Variants in ZNF407 observed in about 807,000 individuals in gnomAD.
ZNF407 encodes the protein zinc finger protein 407.
In ZNF407, 17 loss-of-function variants were observed where a neutral mutation model predicts 131.2. That is an observed-to-expected ratio of 0.13 (90% CI 0.09 to 0.19). The LOEUF is 0.19. Ranked by LOEUF, ZNF407 falls within the 10% of genes least tolerant of loss-of-function variation. The pLI, the probability that ZNF407 is intolerant of heterozygous loss-of-function variation, is 1.00. For synonymous variants in ZNF407, 1,156 were observed against 1,062.0 expected (o/e 1.09, Z -1.72); for missense variants, 2,681 against 2,830.6 (o/e 0.95, Z 1.20).
At chr18:74,714,310 A>G (rs1180467916) in intron 3 of ZNF407, among the ~76,000 whole-genome samples, 2 of 152,252 alleles carry the variant, frequency 1.3e-5, no homozygotes, top group African/African-American at 4.8e-5. Flanking sequence ...GCAGTTCAGC[A>G]TCTGGCTCTG....
intron 3 of ZNF407, among the ~76,000 whole-genome samples, chr18:74,771,029 T>C (rs1969349251): frequency 6.6e-6 from 1 of 152,150 alleles, no homozygotes; most frequent in African/African-American, 2.4e-5. Context: ...AATTTTCAGA[T>C]ATTTTAAATT....
At chr18:74,831,819 C>T (rs924483389) in intron 4 of ZNF407, among the ~76,000 whole-genome samples, 1 of 152,166 alleles carries the variant, frequency 6.6e-6, no homozygotes, top group African/African-American at 2.4e-5. Flanking sequence ...CACTCCCACC[C>T]CTGCTGTGTG....
rs182112360 is a variant in ZNF407, at chr18:74,962,312, T to C, written c.5428+41620T>C. Among the ~76,000 whole-genome samples, 396 of 152,354 alleles carry C rather than the reference T, an allele frequency of 2.6e-3. 6 individuals are homozygous for C. The highest frequency in any genetic ancestry group is 8.8e-4 in the Non-Finnish European group (60 of 68,032). ...AATGATTTCCTCAAATACCCCAAAC[T>C]GTAAGTATCTTCACAACAGCCCAAA... On this transcript the variant is annotated intron_variant, in intron 8 of 8. Transcript: ENST00000299687.
intron 3 of ZNF407, among the ~76,000 whole-genome samples, chr18:74,758,420 G>A (rs1969013423): frequency 6.6e-6 from 1 of 151,920 alleles, no homozygotes; most frequent in South Asian, 2.1e-4. Flanking sequence ...TTTCAATACT[G>A]TATAAAAGCT....
chr18:74,760,241 G>T (rs190164256), intron 3 of ZNF407, among the ~76,000 whole-genome samples: 1 of 152,248 alleles, frequency 6.6e-6, no homozygotes, highest in Admixed American at 6.5e-5. Flanking sequence ...TTGTCAAGGG[G>T]CTCTGTTGCA....
At chr18:74,763,705 A>ATTTTTTTTTTTTTT (rs11340257) in intron 3 of ZNF407, among the ~76,000 whole-genome samples, 4 of 70,228 alleles carry the variant, frequency 5.7e-5, no homozygotes, top group Admixed American at 1.9e-4. Context: ...CTTATCTTTG[A>ATTTTTTTTTTTTTT]TTTTTTTTTT....
At chr18:74,989,547 A>G (rs1338407141) in intron 8 of ZNF407, among the ~76,000 whole-genome samples, 1 of 152,186 alleles carries the variant, frequency 6.6e-6, no homozygotes, top group Non-Finnish European at 1.5e-5. Context: ...TAGATATTGG[A>G]ATTACATTTC....
At chr18:74,881,235 C>T (rs977470519) in intron 6 of ZNF407, 116 bp downstream of exon 6, 2 of 875,156 alleles carry the variant, frequency 2.3e-6, no homozygotes, top group Admixed American at 5.3e-5. Context: ...CATCTGTGCA[C>T]TTGAAGGTCT....
chr18:74,923,535 AC>A (rs1227252097), intron 8 of ZNF407, among the ~76,000 whole-genome samples: 1 of 152,040 alleles, frequency 6.6e-6, no homozygotes, highest in Non-Finnish European at 1.5e-5. Context: ...TAGTTTGTTC[AC>A]TGTGTTGTTC....
At chr18:75,022,666 T>C (rs1194399222) in intron 8 of ZNF407, among the ~76,000 whole-genome samples, 1 of 152,090 alleles carries the variant, frequency 6.6e-6, no homozygotes, top group Non-Finnish European at 1.5e-5. Flanking sequence ...TAATGGCGAT[T>C]ATTAGACAGT....
At chr18:75,032,704 G>A (rs1973256028) in intron 8 of ZNF407, among the ~76,000 whole-genome samples, 1 of 151,070 alleles carries the variant, frequency 6.6e-6, no homozygotes, top group Non-Finnish European at 1.5e-5. Context: ...GGGGAAGATA[G>A]TATTAGATAA....
intron 7 of ZNF407, among the ~76,000 whole-genome samples, chr18:74,899,216 A>C (rs949306862): frequency 6.6e-6 from 1 of 152,236 alleles, no homozygotes; most frequent in Non-Finnish European, 1.5e-5. Flanking sequence ...GGTGCAGTAC[A>C]AATAATGAGT....
Position 74,765,914 on chromosome 18 carries a change from G to A in ZNF407, c.4803-15514G>A, listed in dbSNP as rs145831867. Among the ~76,000 whole-genome samples, 532 of 151,996 alleles carry A rather than the reference G, an allele frequency of 3.5e-3. 5 individuals are homozygous for A. Among genetic ancestry groups the A allele is most frequent in the African/African-American group, 0.012 (504 of 41,428 alleles). ...TGGATTTTTTTTTAATCAATGGGAAGGATAAAACTGGTTCTGATTACTCTA... is the reference window on the plus strand; with the variant it reads ...TGGATTTTTTTTTAATCAATGGGAAAGATAAAACTGGTTCTGATTACTCTA... On this transcript the variant is annotated intron_variant, in intron 3 of 8. Transcript: ENST00000299687.
chr18:74,843,426 C>T lies in ZNF407; in HGVS notation c.4878-33771C>T, dbSNP rs373155892. 2.7e-4 allele frequency among the ~76,000 whole-genome samples: 41 copies of T among 152,040 alleles called. No individual in the cohort carries two copies. In the East Asian group the frequency reaches 6.9e-3, roughly 26 times the overall value. The stretch of plus-strand genomic sequence containing the variant: ...GATTCCAGTGGAGACATATATATAT[C>T]TTCTCTTAGAATAAAATGAACAAAA... On this transcript the variant is annotated intron_variant, in intron 4 of 8. Coordinates refer to ENST00000299687, the MANE Select transcript of ZNF407 (RefSeq NM_017757.3).
chr18:74,789,624 C>T (rs1221041420), intron 4 of ZNF407, among the ~76,000 whole-genome samples: 4 of 152,092 alleles, frequency 2.6e-5, no homozygotes, highest in Non-Finnish European at 4.4e-5. Flanking sequence ...ACTCTGACAG[C>T]GTGCAGTGCA....
intron 3 of ZNF407, among the ~76,000 whole-genome samples, chr18:74,659,057 T>C (rs1338220217): frequency 6.6e-6 from 1 of 152,158 alleles, no homozygotes; most frequent in Non-Finnish European, 1.5e-5. Context: ...ATTTACATTC[T>C]CTGGGTATTT....
At position 74,660,559 on chromosome 18, in the gene ZNF407, CG is replaced by C. The variant is rs151125917; in HGVS notation, c.4802+19438del. On this transcript the variant is annotated intron_variant, in intron 3 of 8. Transcript: ENST00000299687. Reference sequence around the variant, plus strand: ...GTTGCAGTTTTTTAATTGCTTACATCGATTCTAGAAACTACACGTTAGCAGA... The same window carrying C: ...GTTGCAGTTTTTTAATTGCTTACATCATTCTAGAAACTACACGTTAGCAGA... 3.1e-3 allele frequency among the ~76,000 whole-genome samples: 465 copies of C among 152,074 alleles called. 6 individuals carry two copies. The highest frequency in any genetic ancestry group is 0.01 in the African/African-American group (429 of 41,514).
intron 3 of ZNF407, among the ~76,000 whole-genome samples, chr18:74,719,669 C>T (rs1170704544): frequency 2.0e-5 from 3 of 152,212 alleles, no homozygotes; most frequent in South Asian, 4.1e-4. Context: ...TCCCAAAGTG[C>T]TGGGATTACG....
intron 3 of ZNF407, among the ~76,000 whole-genome samples, chr18:74,728,048 T>A (rs1968201828): frequency 6.6e-6 from 1 of 152,094 alleles, no homozygotes; most frequent in African/African-American, 2.4e-5. Context: ...GCAGATGTGG[T>A]TATTCATAGT....
Sources: gnomAD v4.1 joint callset for allele counts (sites outside exome capture counted in the v4.1 genomes callset) on GRCh38, gnomAD v4.1.1 for gene constraint, MANE v1.5 for transcripts, NCBI Gene and HGNC (gene_info 2026-07-23, HGNC 2026-07-21) for gene names.